LIN54: variants seen among roughly 807,000 people sequenced by gnomAD.
LIN54 encodes the protein lin-54 DREAM MuvB core complex component.
In LIN54, 9 loss-of-function variants were observed where a neutral mutation model predicts 78.7. That is an observed-to-expected ratio of 0.11 (90% CI 0.07 to 0.20). The LOEUF (loss-of-function observed/expected upper bound fraction) is 0.20. LIN54 is among the 10% of genes least tolerant of loss of function. LIN54 has a pLI of 1.00. For synonymous variants in LIN54, 269 were observed against 318.4 expected (o/e 0.84, Z 1.65); for missense variants, 573 against 889.9 (o/e 0.64, Z 4.53).
chr4:82,942,223 G>C (rs1251065049), intron 5 of LIN54, among the ~76,000 whole-genome samples: 1 of 152,128 alleles, frequency 6.6e-6, no homozygotes, highest in South Asian at 2.1e-4. Context: ...TCTTAGAGTA[G>C]GCACTCTGAT....
chr4:82,929,684 T>C (rs781361735), intron 12 of LIN54, among the ~76,000 whole-genome samples: 7 of 151,898 alleles, frequency 4.6e-5, no homozygotes, highest in Non-Finnish European at 1.0e-4. Context: ...TGTATGCCTG[T>C]AATCCCAGCT....
At chr4:82,982,666 G>C (rs918306097) in intron 2 of LIN54, among the ~76,000 whole-genome samples, 5 of 152,152 alleles carry the variant, frequency 3.3e-5, no homozygotes, top group African/African-American at 7.2e-5. Context: ...GAGATTCTTG[G>C]CAAAAATAAG....
At chr4:82,997,654 C>A (rs1441937866) in intron 1 of LIN54, among the ~76,000 whole-genome samples, 1 of 151,710 alleles carries the variant, frequency 6.6e-6, no homozygotes, top group Non-Finnish European at 1.5e-5. Context: ...GTAATTAGTT[C>A]AAGATACAGA....
intron 1 of LIN54, among the ~76,000 whole-genome samples, chr4:82,993,043 A>AG (rs1013162542): frequency 2.8e-4 from 43 of 150,980 alleles, no homozygotes; most frequent in African/African-American, 9.7e-4. Context: ...AAAAAAAAAA[A>AG]AAAGAAATGA....
intron 1 of LIN54, among the ~76,000 whole-genome samples, chr4:82,998,335 G>T (rs150490616): frequency 0.034 from 5,156 of 151,960 alleles, 147 homozygotes; most frequent in Non-Finnish European, 0.054. Flanking sequence ...ACGAGGTCAG[G>T]AGTTCAAGAA....
At chr4:82,938,266 T>C in intron 8 of LIN54, 147 bp downstream of exon 8, 1 of 525,324 alleles carries the variant, frequency 1.9e-6, no homozygotes. Flanking sequence ...ATTTTTCTGT[T>C]TGAAATATTT....
chr4:82,953,191 G>A (rs1052912635), intron 4 of LIN54, among the ~76,000 whole-genome samples: 1 of 152,116 alleles, frequency 6.6e-6, no homozygotes, highest in African/African-American at 2.4e-5. Flanking sequence ...GTCTCACCAT[G>A]TTGCCCAGGC....
At chr4:82,932,243 C>A (rs71631361) in intron 11 of LIN54, among the ~76,000 whole-genome samples, 27,785 of 150,834 alleles carry the variant, frequency 0.18, 2,733 homozygotes, top group South Asian at 0.32. Flanking sequence ...TACAGGCACC[C>A]GCCACCACGC....
rs772885353 is a variant in LIN54 at position 82,931,008 on chromosome 4, C to G, written c.1983G>C (p.Lys661Asn). 1 of 1,614,064 alleles carries G rather than the reference C, an allele frequency of 6.2e-7. No homozygotes were observed. The highest frequency in any genetic ancestry group is 1.3e-5 in the African/African-American group (1 of 74,926). ...RVQQQTAAKTKLSSQISDLLT... is the reference protein window; with the variant it reads ...RVQQQTAAKTNLSSQISDLLT... ...GCAAGTCTGAAATTTGAGAGGATAA[C>G]TTCGTCTTGGCTGCTGTTTGTTGCT... The change falls in exon 12 of 13, where the codon AAG becomes AAC. Residue 661 changes from lysine (K) to asparagine (N), a missense_variant. By Grantham distance (94) the Lys-to-Asn change is moderately conservative. This residue lies in a region of LIN54 where 82 missense variants were observed against 140.8 expected (regional missense o/e 0.58). Transcript: ENST00000340417.
intron 4 of LIN54, 145 bp from the exon 5 acceptor site, chr4:82,946,619 T>C (rs979759931): frequency 3.1e-6 from 2 of 645,912 alleles, no homozygotes; most frequent in South Asian, 2.1e-5. Context: ...CAAAGAGAAA[T>C]GAAAAGAATG....
At chr4:82,948,884 T>C (rs369928037) in intron 4 of LIN54, among the ~76,000 whole-genome samples, 3 of 152,242 alleles carry the variant, frequency 2.0e-5, no homozygotes, top group Admixed American at 6.5e-5. Flanking sequence ...TAATATTTTA[T>C]TTTATATATA....
Position 82,938,062 on chromosome 4 carries a change from G to A in LIN54, c.1532+351C>T, listed in dbSNP as rs144407871. ...CAGGAGGATTGCTTGAGCCTGGGAG[G>A]TTGCAGTGAGCTGAGATCACAGCAC... On this transcript the variant is annotated intron_variant, in intron 8 of 12. Transcript: ENST00000340417. Among the ~76,000 whole-genome samples the A allele has an allele frequency of 8.4e-3, 1,275 of 152,254 alleles. 21 individuals carry two copies. Among genetic ancestry groups the A allele is most frequent in the African/African-American group, 0.029 (1,187 of 41,554 alleles).
chr4:82,978,695 A>C (rs1427122008), intron 3 of LIN54, among the ~76,000 whole-genome samples, 188 bp downstream of exon 3: 2 of 152,222 alleles, frequency 1.3e-5, no homozygotes, highest in Admixed American at 6.5e-5. Flanking sequence ...AAAACTAAGG[A>C]GACTAAAGTA....
chr4:82,953,376 C>T (rs1225268305), intron 4 of LIN54, among the ~76,000 whole-genome samples: 2 of 152,136 alleles, frequency 1.3e-5, no homozygotes, highest in African/African-American at 4.8e-5. Context: ...GTGATACTTA[C>T]AGAACAATAT....
At chr4:82,980,519 C>G (rs542982650) in intron 2 of LIN54, among the ~76,000 whole-genome samples, 45 of 152,028 alleles carry the variant, frequency 3.0e-4, no homozygotes, top group African/African-American at 1.1e-3. Context: ...TTTTTATACT[C>G]AGAGCACATT....
chr4:83,002,095 G>A (rs1399836774), intron 1 of LIN54, among the ~76,000 whole-genome samples: 1 of 151,192 alleles, frequency 6.6e-6, no homozygotes, highest in Non-Finnish European at 1.5e-5. Flanking sequence ...GAAAGAAGAT[G>A]TAGAAGAAGC....
At chr4:82,980,210 A>G (rs1726516672) in intron 2 of LIN54, among the ~76,000 whole-genome samples, 2 of 152,144 alleles carry the variant, frequency 1.3e-5, no homozygotes, top group African/African-American at 4.8e-5. Context: ...ATCACCATAT[A>G]CAAAGACACA....
At chr4:82,982,704 GAAGT>G (rs1726776567) in intron 2 of LIN54, among the ~76,000 whole-genome samples, 1 of 152,170 alleles carries the variant, frequency 6.6e-6, no homozygotes, top group African/African-American at 2.4e-5. Flanking sequence ...AGATAAGTGA[GAAGT>G]AATAATGAAC....
At chr4:82,975,668 CG>C (rs1726105088) in intron 3 of LIN54, among the ~76,000 whole-genome samples, 1 of 151,230 alleles carries the variant, frequency 6.6e-6, no homozygotes, top group African/African-American at 2.4e-5. Context: ...GCCGAGATCG[CG>C]CCATTGCACT....
Sources: gnomAD v4.1 joint callset for allele counts (sites outside exome capture counted in the v4.1 genomes callset) on GRCh38, gnomAD v4.1.1 for gene constraint, gnomAD v4.1.1 regional missense constraint, MANE v1.5 for transcripts, NCBI Gene and HGNC (gene_info 2026-07-23, HGNC 2026-07-21) for gene names.